Variants in HMCN1 observed in about 807,000 individuals in gnomAD.
The protein encoded by HMCN1 is hemicentin 1, also known as hemicentin-1.
In HMCN1, 321 loss-of-function variants were observed where a neutral mutation model predicts 625.9. The observed-to-expected ratio is 0.51, with a 90% CI of 0.47 to 0.56. The LOEUF (loss-of-function observed/expected upper bound fraction) is 0.56, where lower values mean the gene tolerates loss of function less well. Among genes scored for constraint, HMCN1 ranks in the 20% least tolerant of loss-of-function variants. The probability of loss-of-function intolerance (pLI) is 0.00; values close to 1 mark genes in which losing one functional copy is unlikely to be tolerated. For synonymous variants in HMCN1, 2,425 were observed against 2,417.6 expected (o/e 1.00, Z -0.09); for missense variants, 6,588 against 6,887.3 (o/e 0.96, Z 1.54).
intron 1 of HMCN1, among the ~76,000 whole-genome samples, chr1:185,775,891 G>C (rs1247410488): frequency 6.6e-6 from 1 of 152,174 alleles, no homozygotes; most frequent in African/African-American, 2.4e-5. Context: ...TGTTGAAAGA[G>C]GTCAGCAGTG....
chr1:186,162,423 G>A (rs924348091), intron 97 of HMCN1, among the ~76,000 whole-genome samples: 4 of 152,136 alleles, frequency 2.6e-5, no homozygotes, highest in African/African-American at 9.7e-5. Flanking sequence ...ACTCGTCAAA[G>A]TCATTCTCTG....
chr1:185,907,869 A>G (rs575356342), intron 4 of HMCN1, among the ~76,000 whole-genome samples: 21 of 148,660 alleles, frequency 1.4e-4, no homozygotes, highest in African/African-American at 5.5e-4. Flanking sequence ...TTGTATTATG[A>G]ATTTCTTTTA....
intron 1 of HMCN1, among the ~76,000 whole-genome samples, chr1:185,771,311 G>A (rs1273437768): frequency 1.3e-5 from 2 of 152,140 alleles, no homozygotes; most frequent in Non-Finnish European, 2.9e-5. Context: ...TGTTCACCCT[G>A]ATCAAAGTAA....
intron 64 of HMCN1, among the ~76,000 whole-genome samples, chr1:186,091,357 A>G (rs151261608): frequency 1.3e-5 from 2 of 152,154 alleles, no homozygotes; most frequent in East Asian, 3.9e-4. Flanking sequence ...CAAACTGTGT[A>G]CATGCTATAA....
intron 83 of HMCN1, among the ~76,000 whole-genome samples, chr1:186,128,661 A>G (rs939369024): frequency 6.6e-6 from 1 of 151,994 alleles, no homozygotes; most frequent in Non-Finnish European, 1.5e-5. Flanking sequence ...CTAAAGATTC[A>G]CTTAATTTTA....
chr1:185,794,900 T>C (rs1658263386), intron 1 of HMCN1, among the ~76,000 whole-genome samples: 1 of 152,232 alleles, frequency 6.6e-6, no homozygotes, highest in African/African-American at 2.4e-5. Context: ...TATTTATATA[T>C]TCTCTGTATA....
intron 6 of HMCN1, among the ~76,000 whole-genome samples, chr1:185,913,092 T>C (rs1666518597): frequency 6.6e-6 from 1 of 152,136 alleles, no homozygotes; most frequent in Non-Finnish European, 1.5e-5. Flanking sequence ...TCCATTCAAA[T>C]CCTAAGATAC....
chr1:185,794,600 CAT>C (rs1491540243), intron 1 of HMCN1, among the ~76,000 whole-genome samples: 1 of 135,352 alleles, frequency 7.4e-6, no homozygotes, highest in Non-Finnish European at 1.6e-5. Flanking sequence ...AGTCTTTACA[CAT>C]TTTTTTTTTT....
intron 1 of HMCN1, among the ~76,000 whole-genome samples, chr1:185,771,527 T>C (rs1309049459): frequency 6.6e-6 from 1 of 152,192 alleles, no homozygotes; most frequent in Admixed American, 6.5e-5. Flanking sequence ...GTTATACCGC[T>C]ATTCACCTTT....
intron 38 of HMCN1, among the ~76,000 whole-genome samples, 197 bp from the exon 39 acceptor site, chr1:186,039,531 A>G (rs534266133): frequency 1.3e-5 from 2 of 152,280 alleles, no homozygotes; most frequent in Non-Finnish European, 2.9e-5. Context: ...GAAATGGAGA[A>G]ATTGATACTT....
intron 20 of HMCN1, among the ~76,000 whole-genome samples, chr1:185,988,479 A>G (rs1571670720): frequency 6.6e-6 from 1 of 152,222 alleles, no homozygotes; most frequent in African/African-American, 2.4e-5. Flanking sequence ...TGAAATATGG[A>G]GAAGTTGGTG....
intron 4 of HMCN1, among the ~76,000 whole-genome samples, chr1:185,892,327 C>T (rs955273071): frequency 2.6e-5 from 4 of 152,056 alleles, no homozygotes; most frequent in South Asian, 2.1e-4. Flanking sequence ...AGTCATTCTC[C>T]GTCCAGCTTT....
intron 1 of HMCN1, among the ~76,000 whole-genome samples, chr1:185,782,932 G>A (rs768254052): frequency 1.6e-4 from 24 of 152,186 alleles, no homozygotes; most frequent in Non-Finnish European, 3.1e-4. Context: ...ATAATATCCT[G>A]CAGAGTGTTT....
rs1656021889 is a variant in HMCN1 at position 186,038,956 on chromosome 1, C to T, written c.5979C>T (p.Ala1993=). 1 of 1,612,576 alleles carries T rather than the reference C, an allele frequency of 6.2e-7. No individual in the cohort carries two copies. The highest frequency in any genetic ancestry group is 1.7e-5 in the Admixed American group (1 of 59,962). The change falls in exon 38 of 107, where the codon GCC becomes GCT. Residue 1993 remains alanine (A), a synonymous_variant. Coordinates refer to ENST00000271588, the MANE Select transcript of HMCN1 (RefSeq NM_031935.3). The part of the protein sequence containing the change: ...ISDAGIYKCV[A]INSAGATELF... Reference sequence around the variant, plus strand: ...ATGCTGGCATATATAAATGCGTGGCCATCAACTCAGCTGGAGCTACAGAGT... The same window carrying T: ...ATGCTGGCATATATAAATGCGTGGCTATCAACTCAGCTGGAGCTACAGAGT...
chr1:185,825,279 T>G (rs2102276753), intron 1 of HMCN1, among the ~76,000 whole-genome samples: 1 of 152,288 alleles, frequency 6.6e-6, no homozygotes, highest in East Asian at 1.9e-4. Flanking sequence ...AGTAGTATAA[T>G]AGCAAAGGTC....
At chr1:186,062,387 A>C in intron 47 of HMCN1, 127 bp from the exon 48 acceptor site, 1 of 696,358 alleles carries the variant, frequency 1.4e-6, no homozygotes, top group Non-Finnish European at 2.6e-6. Flanking sequence ...TCTAGCAATC[A>C]AATAATGAAT....
Position 186,061,854 on chromosome 1 carries a change from G to A in HMCN1, c.7316G>A (p.Gly2439Asp). The change falls in exon 47 of 107, where the codon GGC (glycine) becomes GAC (aspartate). Residue 2439 changes from glycine (G) to aspartate (D), a missense_variant. Coordinates refer to ENST00000271588, the MANE Select transcript of HMCN1 (RefSeq NM_031935.3). The part of the protein sequence containing the change: ...LSNSVRILSG[G>D]RMLRLMQTTM... Reference sequence around the variant, plus strand: ...AAAAGATGGTTTGCTTCTGCAGGAGGCAGGATGCTACGGCTGATGCAGACC... The same window carrying A: ...AAAAGATGGTTTGCTTCTGCAGGAGACAGGATGCTACGGCTGATGCAGACC... The A allele has an allele frequency of 1.9e-6, 3 of 1,605,886 alleles. No individual in the cohort carries two copies. The highest frequency in any genetic ancestry group is 1.1e-5 in the South Asian group (1 of 90,856).
intron 4 of HMCN1, among the ~76,000 whole-genome samples, chr1:185,903,778 T>G (rs1665945379): frequency 6.6e-6 from 1 of 151,760 alleles, no homozygotes; most frequent in Non-Finnish European, 1.5e-5. Context: ...TAACCAAACT[T>G]AGAGGAGTGC....
intron 9 of HMCN1, among the ~76,000 whole-genome samples, chr1:185,925,912 GAGA>G (rs887064945): frequency 6.6e-6 from 1 of 152,214 alleles, no homozygotes; most frequent in African/African-American, 2.4e-5. Context: ...AAGGGGAGCA[GAGA>G]AGGTCAGAGA....
Sources: gnomAD v4.1 joint callset for allele counts (sites outside exome capture counted in the v4.1 genomes callset) on GRCh38, gnomAD v4.1.1 for gene constraint, MANE v1.5 for transcripts, NCBI Gene and HGNC (gene_info 2026-07-23, HGNC 2026-07-21) for gene names.